CASR: variants seen among roughly 807,000 people sequenced by gnomAD.
The protein encoded by CASR is calcium sensing receptor.
Under a neutral mutation model 69.1 loss-of-function variants are expected in CASR, and 23 were observed. The observed-to-expected ratio is 0.33, with a 90% CI of 0.24 to 0.47. The LOEUF is 0.47. Ranked by LOEUF, CASR falls within the 20% of genes least tolerant of loss-of-function variation. The pLI is 1.00. For missense variants in CASR, 924 were observed against 1,356.1 expected, an observed-to-expected ratio of 0.68 and a Z score of 5.00; for synonymous variants, 541 against 544.7, an observed-to-expected ratio of 0.99 and a Z score of 0.10.
intron 1 of CASR, among the ~76,000 whole-genome samples, chr3:122,252,513 GAA>G (rs1197996477): frequency 2.1e-3 from 35 of 16,332 alleles, no homozygotes; most frequent in Non-Finnish European, 5.2e-3. Context: ...GAGAGAGAGA[GAA>G]AGAAAGAAGG....
intron 1 of CASR, among the ~76,000 whole-genome samples, chr3:122,206,279 T>A (rs1020163470): frequency 2.0e-5 from 3 of 148,592 alleles, no homozygotes; most frequent in Non-Finnish European, 3.0e-5. Context: ...TTTTTTTTTT[T>A]ATCATAAAGA....
chr3:122,231,403 T>C (rs2074277063), intron 1 of CASR, among the ~76,000 whole-genome samples: 1 of 152,238 alleles, frequency 6.6e-6, no homozygotes, highest in African/African-American at 2.4e-5. Context: ...ACTATCACCA[T>C]CATACGAAGA....
chr3:122,218,209 C>G (rs945809739), intron 1 of CASR, among the ~76,000 whole-genome samples: 1 of 151,902 alleles, frequency 6.6e-6, no homozygotes, highest in African/African-American at 2.4e-5. Flanking sequence ...TAGCTTAACA[C>G]AGGGCCATAG....
intron 3 of CASR, among the ~76,000 whole-genome samples, chr3:122,258,830 C>T (rs1002091380): frequency 6.6e-6 from 1 of 151,904 alleles, no homozygotes; most frequent in South Asian, 2.1e-4. Context: ...AGTCCCACTC[C>T]GCAAAGATCA....
Position 122,262,318 on chromosome 3 carries a change from C to T in CASR, c.1283C>T (p.Ala428Val), listed in dbSNP as rs895543540. Residue 428 changes from alanine to valine, a missense_variant, in exon 4 of 7, where the codon GCC becomes GTC. This residue lies in a region of CASR where 310 missense variants were observed against 395.7 expected (regional missense o/e 0.78). Transcript: ENST00000639785. ...GTGTACTTAGCAGTCTACTCCATTG[C>T]CCACGCCTTGCAAGATATATATACC... ...YNVYLAVYSIAHALQDIYTCL... is the reference protein window; with the variant it reads ...YNVYLAVYSIVHALQDIYTCL... The T allele has an allele frequency of 1.9e-5, 31 of 1,613,842 alleles. No homozygotes were observed. The highest frequency in any genetic ancestry group is 2.5e-5 in the Non-Finnish European group (30 of 1,179,882).
chr3:122,211,033 A>G (rs1048809424), intron 1 of CASR, among the ~76,000 whole-genome samples: 5 of 152,262 alleles, frequency 3.3e-5, no homozygotes, highest in African/African-American at 1.2e-4. Flanking sequence ...TGGGCTAGCC[A>G]TATGCAGAAA....
In CASR at chr3:122,205,076, T is replaced by C. The variant is rs189217110; in HGVS notation, c.-243+21264T>C. On this transcript the variant is annotated intron_variant, in intron 1 of 6. Transcript: ENST00000639785. ...CTTTTGCTGTAAAGAAGCTTTTTAG[T>C]TTGATGTAATCCCATTTTTCTATTT... Among the ~76,000 whole-genome samples the C allele has an allele frequency of 2.6e-5, 4 of 152,256 alleles. No homozygotes were observed. The East Asian group carries it at 5.8e-4, about 22-fold the overall frequency.
chr3:122,210,478 C>G (rs1460322636), intron 1 of CASR, among the ~76,000 whole-genome samples: 1 of 152,084 alleles, frequency 6.6e-6, no homozygotes, highest in Non-Finnish European at 1.5e-5. Flanking sequence ...TGAATGAACT[C>G]CCATTAACAA....
At chr3:122,199,296 A>G (rs1480963655) in intron 1 of CASR, among the ~76,000 whole-genome samples, 1 of 152,194 alleles carries the variant, frequency 6.6e-6, no homozygotes, top group African/African-American at 2.4e-5. Flanking sequence ...TTGGCCTTCT[A>G]TTCAATCTGA....
chr3:122,236,211 G>C (rs995872148), intron 1 of CASR, among the ~76,000 whole-genome samples: 1 of 152,208 alleles, frequency 6.6e-6, no homozygotes, highest in African/African-American at 2.4e-5. Context: ...CAAAGTCAGG[G>C]TTAGAAACAT....
At chr3:122,274,094 A>G (rs1350768451) in intron 4 of CASR, among the ~76,000 whole-genome samples, 1 of 152,208 alleles carries the variant, frequency 6.6e-6, no homozygotes, top group Non-Finnish European at 1.5e-5. Flanking sequence ...CCTTAGTAGG[A>G]GCCATTCTCC....
At chr3:122,192,932 A>G (rs2073853274) in intron 1 of CASR, among the ~76,000 whole-genome samples, 1 of 152,146 alleles carries the variant, frequency 6.6e-6, no homozygotes, top group African/African-American at 2.4e-5. Context: ...AAATGAACAC[A>G]CATAGCTTAT....
In CASR at chr3:122,287,502, G is replaced by A. The variant is rs142153732; in HGVS notation, c.*2311G>A. ...ACAGAAACTTCATCTTAGTCGAATC[G>A]GGGTTTTCACAGTAACCTCAGTGTT... On this transcript the variant is annotated 3_prime_UTR_variant, in exon 7 of 7. Coordinates refer to ENST00000639785, the MANE Select transcript of CASR (RefSeq NM_000388.4). 1.3e-4 allele frequency: 20 copies of A among 152,256 alleles called. No homozygotes were observed. In the East Asian group the frequency reaches 2.9e-3, roughly 22 times the overall value. The allele number at this position is 152,256 out of a possible 1,614,324, so 9.4% of individuals were successfully genotyped here. A position where few individuals can be genotyped will look rare whatever the true frequency, so the allele number is the denominator to read the frequency against.
intron 4 of CASR, among the ~76,000 whole-genome samples, chr3:122,262,873 C>T (rs2074644649): frequency 6.6e-6 from 1 of 152,204 alleles, no homozygotes. Flanking sequence ...TATACCAAGC[C>T]ACCCAGCAGG....
rs533580629 is a variant in CASR at position 122,256,700 on chromosome 3, T to C, written c.186-381T>C. Among the ~76,000 whole-genome samples the C allele has an allele frequency of 5.9e-5, 9 of 152,212 alleles. No individual in the cohort carries two copies. The South Asian group carries it at 1.2e-3, about 21-fold the overall frequency. On this transcript the variant is annotated intron_variant, in intron 2 of 6. Transcript: ENST00000639785. ...TGGCACAATCTCAGCTCACTGCAAC[T>C]TCCATCTCCCAGATTCAAGCAATTC... is the stretch of plus-strand genomic sequence containing the variant.
At chr3:122,207,046 T>C (rs1481914403) in intron 1 of CASR, among the ~76,000 whole-genome samples, 1 of 152,100 alleles carries the variant, frequency 6.6e-6, no homozygotes, top group African/African-American at 2.4e-5. Flanking sequence ...CCCATTTTTT[T>C]AAGTCTCAAT....
At chr3:122,209,451 C>G (rs921153234) in intron 1 of CASR, among the ~76,000 whole-genome samples, 21 of 152,174 alleles carry the variant, frequency 1.4e-4, no homozygotes, top group Admixed American at 1.2e-3. Flanking sequence ...GCTGGGGAAG[C>G]CTCACAATCA....
At chr3:122,272,121 ACACAC>A (rs1363551675) in intron 4 of CASR, among the ~76,000 whole-genome samples, 1 of 151,916 alleles carries the variant, frequency 6.6e-6, no homozygotes, top group African/African-American at 2.4e-5. Context: ...ACACACACAC[ACACAC>A]GAGTAGGATT....
intron 1 of CASR, among the ~76,000 whole-genome samples, chr3:122,220,717 TA>T (rs2074161672): frequency 1.3e-5 from 2 of 152,244 alleles, no homozygotes. Context: ...CTTACACCTG[TA>T]ATTCCAGCAC....
Sources: allele counts gnomAD v4.1 joint callset (sites outside exome capture counted in the v4.1 genomes callset), GRCh38; gene constraint gnomAD v4.1.1; regional missense constraint gnomAD v4.1.1; transcripts MANE v1.5; gene names NCBI Gene and HGNC (gene_info 2026-07-23, HGNC 2026-07-21).